NME7: variants seen among roughly 807,000 people sequenced by gnomAD.
NME7 encodes NME/NM23 family member 7, also known as nucleoside diphosphate kinase 7.
A neutral mutation model predicts 49.1 loss-of-function variants in NME7; 41 were observed. The ratio of observed to expected loss-of-function variants is 0.83; its 90% CI spans 0.65 to 1.08. The LOEUF is 1.08. NME7 is among the 50% of genes least tolerant of loss of function. The pLI, the probability that NME7 is intolerant of heterozygous loss-of-function variation, is 0.00. For missense variants in NME7, 423 were observed against 463.4 expected (o/e 0.91, Z 0.80); for synonymous variants, 139 against 150.6 (o/e 0.92, Z 0.56).
At chr1:169,245,153 CAAAT>C (rs1558004870) in intron 7 of NME7, among the ~76,000 whole-genome samples, 1 of 151,964 alleles carries the variant, frequency 6.6e-6, no homozygotes, top group Admixed American at 6.6e-5. Context: ...AAAAATAAAA[CAAAT>C]AAACAGAAAA....
intron 11 of NME7, among the ~76,000 whole-genome samples, chr1:169,161,320 TA>T (rs1337437443): frequency 6.6e-6 from 1 of 152,344 alleles, no homozygotes; most frequent in East Asian, 1.9e-4. Context: ...AATGTACTAC[TA>T]AAAATCACAA....
At chr1:169,221,346 G>A (rs1169469224) in intron 10 of NME7, among the ~76,000 whole-genome samples, 1 of 151,992 alleles carries the variant, frequency 6.6e-6, no homozygotes, top group Non-Finnish European at 1.5e-5. Context: ...GTCCCAGTTA[G>A]AGTAAAAGCT....
At chr1:169,132,902 T>C in intron 11 of NME7, 85 bp from the exon 12 acceptor site, 1 of 994,550 alleles carries the variant, frequency 1.0e-6, no homozygotes. Context: ...TGGTCAGGAC[T>C]TCAGACACTG....
At chr1:169,231,278 A>T (rs1476122045) in intron 9 of NME7, among the ~76,000 whole-genome samples, 1 of 152,196 alleles carries the variant, frequency 6.6e-6, no homozygotes, top group Non-Finnish European at 1.5e-5. Context: ...TATACGAAAC[A>T]ATAGTTTTCA....
chr1:169,223,784 T>TAGAG (rs1280208985), intron 10 of NME7, among the ~76,000 whole-genome samples: 16 of 150,620 alleles, frequency 1.1e-4, no homozygotes, highest in African/African-American at 3.9e-4. Flanking sequence ...CATATATATA[T>TAGAG]ATAGAGAGAG....
chr1:169,323,371 T>C, intron 2 of NME7, 88 bp from the exon 3 acceptor site: 1 of 1,076,976 alleles, frequency 9.3e-7, no homozygotes, highest in Non-Finnish European at 1.3e-6. Context: ...AAATAATTCT[T>C]AATTCTGTCT....
chr1:169,341,723 G>T (rs1652709428), intron 1 of NME7, among the ~76,000 whole-genome samples: 1 of 152,168 alleles, frequency 6.6e-6, no homozygotes, highest in Admixed American at 6.5e-5. Context: ...TGCCCTGGGT[G>T]TGAGACATGG....
intron 10 of NME7, among the ~76,000 whole-genome samples, chr1:169,185,465 T>C (rs1477318524): frequency 1.3e-5 from 2 of 152,210 alleles, no homozygotes; most frequent in Non-Finnish European, 2.9e-5. Flanking sequence ...TCAAAATCCC[T>C]GTCAAACAGA....
intron 1 of NME7, among the ~76,000 whole-genome samples, chr1:169,339,504 C>G (rs973320181): frequency 1.3e-5 from 2 of 152,112 alleles, no homozygotes; most frequent in African/African-American, 4.8e-5. Context: ...TATTATTGAG[C>G]TAGAAATCAA....
chr1:169,352,716 T>G (rs933503824), intron 1 of NME7, among the ~76,000 whole-genome samples: 2 of 152,090 alleles, frequency 1.3e-5, no homozygotes, highest in African/African-American at 2.4e-5. Context: ...CCAGTAAAGT[T>G]GCAGGATACA....
At chr1:169,280,172 G>A (rs532403954) in intron 7 of NME7, among the ~76,000 whole-genome samples, 1 of 152,284 alleles carries the variant, frequency 6.6e-6, no homozygotes, top group South Asian at 2.1e-4. Context: ...GTGTAAGATG[G>A]TATCTCATTG....
intron 10 of NME7, among the ~76,000 whole-genome samples, chr1:169,205,608 G>A (rs1331931925): frequency 3.3e-5 from 5 of 152,084 alleles, no homozygotes; most frequent in African/African-American, 1.2e-4. Context: ...AGAATCTCAG[G>A]CGGCCTGGCT....
intron 3 of NME7, among the ~76,000 whole-genome samples, chr1:169,317,714 G>A (rs937173523): frequency 3.3e-5 from 5 of 152,128 alleles, no homozygotes; most frequent in South Asian, 2.1e-4. Flanking sequence ...TCTGTTCCCC[G>A]AGAAGTAGCC....
intron 7 of NME7, among the ~76,000 whole-genome samples, chr1:169,252,953 T>C (rs1488271664): frequency 6.7e-6 from 1 of 149,786 alleles, no homozygotes; most frequent in Non-Finnish European, 1.5e-5. Flanking sequence ...CATGCTGTTT[T>C]GGTTACTGTA....
chr1:169,305,601 A>T (rs1651144394), intron 4 of NME7, among the ~76,000 whole-genome samples: 1 of 152,182 alleles, frequency 6.6e-6, no homozygotes, highest in Non-Finnish European at 1.5e-5. Context: ...TGTTTGCAAC[A>T]AGAAACCTTG....
At chr1:169,223,227 C>A (rs952050715) in intron 10 of NME7, among the ~76,000 whole-genome samples, 2 of 152,200 alleles carry the variant, frequency 1.3e-5, no homozygotes, top group East Asian at 3.9e-4. Context: ...CTTTTTATTT[C>A]ATCCTATCTT....
At chr1:169,182,584 C>T (rs1035352061) in intron 10 of NME7, among the ~76,000 whole-genome samples, 1 of 152,168 alleles carries the variant, frequency 6.6e-6, no homozygotes, top group Non-Finnish European at 1.5e-5. Flanking sequence ...CACAGTTCAC[C>T]TTCACATCTT....
intron 7 of NME7, among the ~76,000 whole-genome samples, chr1:169,250,697 A>G (rs200517847): frequency 6.6e-6 from 1 of 152,114 alleles, no homozygotes; most frequent in Non-Finnish European, 1.5e-5. Flanking sequence ...CTTTCAAAGA[A>G]TTTTTAAAAT....
intron 6 of NME7, among the ~76,000 whole-genome samples, chr1:169,293,689 G>A (rs986910027): frequency 6.6e-6 from 1 of 151,850 alleles, no homozygotes; most frequent in African/African-American, 2.4e-5. Context: ...TGGACCCTTG[G>A]CTGTTTCATA....
Sources: gnomAD v4.1 joint callset for allele counts (sites outside exome capture counted in the v4.1 genomes callset) on GRCh38, gnomAD v4.1.1 for gene constraint, MANE v1.5 for transcripts, NCBI Gene and HGNC (gene_info 2026-07-23, HGNC 2026-07-21) for gene names.